Variants in DPYSL2 observed in about 807,000 individuals in gnomAD.
DPYSL2 encodes the protein dihydropyrimidinase-related protein 2.
DPYSL2 carries 13 observed loss-of-function variants against 69.9 expected under a neutral mutation model. The ratio of observed to expected loss-of-function variants is 0.19; its 90% CI spans 0.12 to 0.30. The LOEUF (loss-of-function observed/expected upper bound fraction) is 0.30, where lower values mean the gene tolerates loss of function less well. Among genes scored for constraint, DPYSL2 ranks in the 10% least tolerant of loss-of-function variants. The pLI is 1.00. For missense variants in DPYSL2, 587 were observed against 918.9 expected, an observed-to-expected ratio of 0.64 and a Z score of 4.67; for synonymous variants, 326 against 359.1, an observed-to-expected ratio of 0.91 and a Z score of 1.04.
rs1802193971 is a variant in DPYSL2, at chr8:26,610,126, T to C, written c.629-14017T>C. Among the ~76,000 whole-genome samples the C allele has an allele frequency of 3.9e-5, 6 of 152,238 alleles. 1 individual carries two copies. In the South Asian group the frequency reaches 1.2e-3, roughly 32 times the overall value. ...TCAAAGCCTGCTGGAGATGTAACTG[T>C]CGTGATGTTTCGTGGGATCTGCAAG... is the stretch of plus-strand genomic sequence containing the variant. On this transcript the variant is annotated intron_variant, in intron 3 of 13. Transcript: ENST00000521913. The surrounding 1 kb of genome is among the most constrained non-coding windows in gnomAD (Gnocchi z 4.5).
At chr8:26,651,602 A>G (rs916649455) in intron 11 of DPYSL2, among the ~76,000 whole-genome samples, 1 of 152,218 alleles carries the variant, frequency 6.6e-6, no homozygotes, top group African/African-American at 2.4e-5. Context: ...ATTACCAACC[A>G]CAAACTCACA....
At chr8:26,634,428 CT>C (rs55746168) in intron 7 of DPYSL2, among the ~76,000 whole-genome samples, 3,056 of 91,124 alleles carry the variant, frequency 0.034, 54 homozygotes, top group African/African-American at 0.043. Context: ...CCATGCCCAG[CT>C]TTTTTTTTTT....
rs891767997 is a variant in DPYSL2, at chr8:26,654,133, A to G, written c.1942+736A>G. Among the ~76,000 whole-genome samples, 1 of 152,198 alleles carries G rather than the reference A, an allele frequency of 6.6e-6. No individual in the cohort carries two copies. Among genetic ancestry groups the G allele is most frequent in the African/African-American group, 2.4e-5 (1 of 41,446 alleles). ...GCTGTGCTTCAGTCTCCTCACCTGT[A>G]TAATGGCAATAATAGTAGTTGCTCC... is the stretch of plus-strand genomic sequence containing the variant. On this transcript the variant is annotated intron_variant, in intron 13 of 13. Coordinates refer to ENST00000521913, the MANE Select transcript of DPYSL2 (RefSeq NM_001197293.3). This position sits in a 1 kb window ranked among gnomAD's most constrained non-coding sequence, Gnocchi z 5.0.
Position 26,524,801 on chromosome 8 carries a change from C to CAAA in DPYSL2, c.354+10155_354+10157dup, listed in dbSNP as rs753822230. Reference sequence around the variant, plus strand: ...TGAAGGACAGAGAGAGACTCTGTCTCAAAAAAAAAAAAAAAAAAAAAAAAA... The same window carrying CAAA: ...TGAAGGACAGAGAGAGACTCTGTCTCAAAAAAAAAAAAAAAAAAAAAAAAAAAA... On this transcript the variant is annotated intron_variant, in intron 1 of 13. Coordinates refer to ENST00000521913, the MANE Select transcript of DPYSL2 (RefSeq NM_001197293.3). Among the ~76,000 whole-genome samples the CAAA allele has an allele frequency of 9.7e-4, 40 of 41,110 alleles. 1 individual carries two copies. Among genetic ancestry groups the CAAA allele is most frequent in the African/African-American group, 3.5e-3 (35 of 10,012 alleles). The allele number at this position is 41,110 out of a possible 152,430, so 27.0% of individuals were successfully genotyped here. A position where few individuals can be genotyped will look rare whatever the true frequency, so the allele number is the denominator to read the frequency against.
At chr8:26,529,257 T>C (rs1563375725) in intron 1 of DPYSL2, among the ~76,000 whole-genome samples, 1 of 149,088 alleles carries the variant, frequency 6.7e-6, no homozygotes, top group East Asian at 2.0e-4. Flanking sequence ...TCTATCTATC[T>C]ATCTATCTAT....
intron 1 of DPYSL2, among the ~76,000 whole-genome samples, chr8:26,542,638 G>A (rs1401946171): frequency 6.6e-6 from 1 of 152,044 alleles, no homozygotes; most frequent in Non-Finnish European, 1.5e-5. Flanking sequence ...TGTTTCTCAG[G>A]TATGTTTTAA....
chr8:26,575,551 A>C (rs1801313525), intron 1 of DPYSL2, among the ~76,000 whole-genome samples: 1 of 152,234 alleles, frequency 6.6e-6, no homozygotes, highest in African/African-American at 2.4e-5. Context: ...CAGAACAGAC[A>C]AATCAGTTTA....
chr8:26,594,508 A>G (rs1161607270), intron 3 of DPYSL2, among the ~76,000 whole-genome samples: 2 of 152,072 alleles, frequency 1.3e-5, no homozygotes, highest in African/African-American at 2.4e-5. Flanking sequence ...CTATATATTG[A>G]TATATATCTA....
At chr8:26,532,507 C>G (rs1032863826) in intron 1 of DPYSL2, among the ~76,000 whole-genome samples, 5 of 152,134 alleles carry the variant, frequency 3.3e-5, no homozygotes, top group Non-Finnish European at 7.4e-5. Flanking sequence ...CAAAAGAAAC[C>G]CAGTAAACAG....
chr8:26,641,495 T>A lies in DPYSL2; in HGVS notation c.1127-1944T>A, dbSNP rs1803044828. 6.6e-6 allele frequency among the ~76,000 whole-genome samples: 1 copy of A among 152,220 alleles called. No individual in the cohort carries two copies. The highest frequency in any genetic ancestry group is 1.5e-5 in the Non-Finnish European group (1 of 68,048). On this transcript the variant is annotated intron_variant, in intron 8 of 13. Transcript: ENST00000521913. This position sits in a 1 kb window ranked among gnomAD's most constrained non-coding sequence, Gnocchi z 4.1. ...TTGAGAACTGATGACTGCTGCTGGG[T>A]CCTGCCCAGCCATTTGCATTTTATA...
chr8:26,639,101 G>A (rs1162617695), intron 8 of DPYSL2, among the ~76,000 whole-genome samples: 6 of 152,176 alleles, frequency 3.9e-5, no homozygotes, highest in African/African-American at 1.4e-4. Flanking sequence ...CTTATGTCCT[G>A]TGGGTCAATA....
rs1201875409 is a variant in DPYSL2, at chr8:26,609,048, T to C, written c.629-15095T>C. 3.9e-5 allele frequency among the ~76,000 whole-genome samples: 6 copies of C among 152,332 alleles called. No individual in the cohort carries two copies. The East Asian group carries it at 1.2e-3, about 29-fold the overall frequency. On this transcript the variant is annotated intron_variant, in intron 3 of 13. Transcript: ENST00000521913. This position sits in a 1 kb window ranked among gnomAD's most constrained non-coding sequence, Gnocchi z 6.5. Reference sequence around the variant, plus strand: ...ATGTAATGGGACTGTTGCTGCAGCTTTTGTACAAGGGTGGAGTGGGTGTCC... The same window carrying C: ...ATGTAATGGGACTGTTGCTGCAGCTCTTGTACAAGGGTGGAGTGGGTGTCC...
In DPYSL2 at chr8:26,565,499, G is replaced by A. The variant is rs1801134795; in HGVS notation, c.355-16470G>A. Among the ~76,000 whole-genome samples the A allele has an allele frequency of 2.6e-5, 4 of 152,166 alleles. 1 individual carries two copies. In the South Asian group the frequency reaches 8.3e-4, roughly 32 times the overall value. ...CATCTTGATGATGTGGTTAGGGGAT[G>A]AGGGCTCAGATAGCCCTTGGAGTGA... On this transcript the variant is annotated intron_variant, in intron 1 of 13. Coordinates refer to ENST00000521913, the MANE Select transcript of DPYSL2 (RefSeq NM_001197293.3). This position sits in a 1 kb window ranked among gnomAD's most constrained non-coding sequence, Gnocchi z 4.1.
intron 7 of DPYSL2, among the ~76,000 whole-genome samples, chr8:26,633,252 G>C (rs1024572734): frequency 6.6e-6 from 1 of 152,192 alleles, no homozygotes; most frequent in Non-Finnish European, 1.5e-5. Context: ...GTAAGCCCCA[G>C]TCCCTCCCCT....
chr8:26,542,650 C>T (rs1386246050), intron 1 of DPYSL2, among the ~76,000 whole-genome samples: 4 of 152,146 alleles, frequency 2.6e-5, no homozygotes, highest in Middle Eastern at 3.2e-3. Flanking sequence ...ATGTTTTAAA[C>T]TCTGGCTTCA....
intron 1 of DPYSL2, among the ~76,000 whole-genome samples, chr8:26,522,037 G>A (rs1808394486): frequency 6.6e-6 from 1 of 152,210 alleles, no homozygotes; most frequent in Non-Finnish European, 1.5e-5. Flanking sequence ...GCTGGGCACA[G>A]TGGCTCATGC....
intron 3 of DPYSL2, among the ~76,000 whole-genome samples, chr8:26,601,509 C>G (rs1371443516): frequency 6.6e-6 from 1 of 152,168 alleles, no homozygotes; most frequent in African/African-American, 2.4e-5. Context: ...TCCCAAGTAG[C>G]TGGGACTACA....
rs141048931 is a variant in DPYSL2 at position 26,565,723 on chromosome 8, T to C, written c.355-16246T>C. Among the ~76,000 whole-genome samples, 307 of 152,278 alleles carry C rather than the reference T, an allele frequency of 2.0e-3. 1 individual carries two copies. The highest frequency in any genetic ancestry group is 7.1e-3 in the African/African-American group (294 of 41,566). ...AAAAGGAGTTTATTTGTATATCACA[T>C]AATAGTTCAAGGTGGGTGTTTCTGT... is the stretch of plus-strand genomic sequence containing the variant. On this transcript the variant is annotated intron_variant, in intron 1 of 13. Coordinates refer to ENST00000521913, the MANE Select transcript of DPYSL2 (RefSeq NM_001197293.3). The surrounding 1 kb of genome is among the most constrained non-coding windows in gnomAD (Gnocchi z 4.1).
At chr8:26,569,517 C>G (rs1801206027) in intron 1 of DPYSL2, among the ~76,000 whole-genome samples, 1 of 152,152 alleles carries the variant, frequency 6.6e-6, no homozygotes, top group African/African-American at 2.4e-5. Flanking sequence ...AAAGGTTCTC[C>G]TGTTCATTTG....
Sources: allele counts gnomAD v4.1 joint callset (sites outside exome capture counted in the v4.1 genomes callset), GRCh38; gene constraint gnomAD v4.1.1; non-coding constraint Gnocchi (gnomAD v3.1); transcripts MANE v1.5; gene names NCBI Gene and HGNC (gene_info 2026-07-23, HGNC 2026-07-21).